The following WDR1 variants were observed in gnomAD, a reference collection of about 807,000 sequenced individuals.
The protein encoded by WDR1 is WD repeat domain 1.
A neutral mutation model predicts 71.9 loss-of-function variants in WDR1; 21 were observed. The observed-to-expected ratio is 0.29, with a 90% CI of 0.21 to 0.42. The LOEUF (loss-of-function observed/expected upper bound fraction) is 0.42. Ranked by LOEUF, WDR1 falls within the 10% of genes least tolerant of loss-of-function variation. The pLI is 1.00. For synonymous variants in WDR1, 424 were observed against 347.4 expected (o/e 1.22, Z -2.45); for missense variants, 696 against 824.5 (o/e 0.84, Z 1.91).
chr4:10,084,845 A>AAC (rs1482078529), intron 8 of WDR1, among the ~76,000 whole-genome samples: 2 of 152,212 alleles, frequency 1.3e-5, no homozygotes, highest in Admixed American at 1.3e-4. Context: ...CTGAGCACCT[A>AAC]ACGTGTGCAG....
chr4:10,077,521 T>C (rs1764843426), intron 13 of WDR1, 73 bp from the exon 14 acceptor site: 6 of 1,601,232 alleles, frequency 3.7e-6, no homozygotes, highest in African/African-American at 2.7e-5. Context: ...ACCTCGCTTA[T>C]CCCTCATGGC....
chr4:10,088,825 C>A, intron 5 of WDR1, 84 bp from the exon 6 acceptor site: 1 of 1,043,482 alleles, frequency 9.6e-7, no homozygotes, highest in East Asian at 2.6e-5. Flanking sequence ...ACACAGCTTG[C>A]AGCTCCAGCT....
rs546183798 is a variant in WDR1, at chr4:10,078,532, C to A, written c.1395+359G>T. On this transcript the variant is annotated intron_variant, in intron 12 of 14. Coordinates refer to ENST00000499869, the MANE Select transcript of WDR1 (RefSeq NM_017491.5). Reference sequence around the variant, plus strand: ...GAGCCCAGCCCCAGGGGATGCCATTCCTTGATTTCCTGACCTGCTACCCTC... The same window carrying A: ...GAGCCCAGCCCCAGGGGATGCCATTACTTGATTTCCTGACCTGCTACCCTC... 2.8e-4 allele frequency: 59 copies of A among 209,636 alleles called. No homozygotes were observed. In the South Asian group the frequency reaches 6.9e-3, roughly 24 times the overall value. The allele number at this position is 209,636 out of a possible 1,614,324, so 13.0% of individuals were successfully genotyped here.
chr4:10,080,804 G>A (rs1004002652), intron 11 of WDR1, among the ~76,000 whole-genome samples: 2 of 152,228 alleles, frequency 1.3e-5, no homozygotes, highest in Non-Finnish European at 2.9e-5. Context: ...GAAGTCAGGT[G>A]CCACCCTTCT....
At position 10,083,439 on chromosome 4, in the gene WDR1, G is replaced by A. The variant is rs35158081; in HGVS notation, c.1040-261C>T. ...AAGGCCTACTGGGGACCAGCAAGCT[G>A]GGGAGGCTCCGGCGTCTCCTCTGCT... On this transcript the variant is annotated intron_variant, in intron 9 of 14. Coordinates refer to ENST00000499869, the MANE Select transcript of WDR1 (RefSeq NM_017491.5). Among the ~76,000 whole-genome samples, 1,270 of 152,312 alleles carry A rather than the reference G, an allele frequency of 8.3e-3. 10 individuals are homozygous for A. The highest frequency in any genetic ancestry group is 0.054 in the Middle Eastern group (16 of 294).
At chr4:10,087,462 T>C (rs1711658950) in intron 8 of WDR1, among the ~76,000 whole-genome samples, 1 of 152,246 alleles carries the variant, frequency 6.6e-6, no homozygotes. Context: ...CACTAGGCCC[T>C]GACTCTCCAG....
At chr4:10,098,051 G>A (rs1712459873) in intron 4 of WDR1, among the ~76,000 whole-genome samples, 160 bp from the exon 5 acceptor site, 1 of 152,070 alleles carries the variant, frequency 6.6e-6, no homozygotes, top group African/African-American at 2.4e-5. Context: ...GGAAGCACTG[G>A]GGTTCTGGCT....
intron 3 of WDR1, among the ~76,000 whole-genome samples, chr4:10,100,342 T>C (rs1191136363): frequency 6.6e-6 from 1 of 152,092 alleles, no homozygotes; most frequent in Admixed American, 6.5e-5. Flanking sequence ...AGAGTGGAAA[T>C]AACAGAGCCA....
Position 10,087,833 on chromosome 4 carries a change from G to A in WDR1, c.825C>T (p.Gly275=), listed in dbSNP as rs947541763. The A allele has an allele frequency of 3.8e-6, 6 of 1,581,388 alleles. No individual in the cohort carries two copies. The highest frequency in any genetic ancestry group is 3.5e-5 in the South Asian group (3 of 86,456). Residue 275 remains glycine (G), a synonymous_variant, in exon 8 of 15, where the codon GGC becomes GGT. Coordinates refer to ENST00000499869, the MANE Select transcript of WDR1 (RefSeq NM_017491.5). The part of the protein sequence containing the change: ...VNSVVSTFPM[G]STVLDQQLGC... ...CCAGCTGCTGGTCCAGAACCGTGGA[G>A]CCCATGGGAAATGTGCTGACCACGG...
chr4:10,096,127 G>C (rs1712338785), intron 5 of WDR1: 1 of 152,308 alleles, frequency 6.6e-6, no homozygotes, highest in South Asian at 2.1e-4. Context: ...GCCCACCCCT[G>C]GAACAAACTG....
chr4:10,116,029 A>G, intron 2 of WDR1, 84 bp downstream of exon 2: 1 of 1,525,750 alleles, frequency 6.6e-7, no homozygotes, highest in Non-Finnish European at 8.9e-7. Flanking sequence ...AATGGGCAGG[A>G]GGTGAGAAGT....
rs1001395311 is a variant in WDR1, at chr4:10,075,279, G to C, written c.*99C>G. On this transcript the variant is annotated 3_prime_UTR_variant, in exon 15 of 15. Coordinates refer to ENST00000499869, the MANE Select transcript of WDR1 (RefSeq NM_017491.5). ...CTCCTGCCTCTTGTGGTGGGGTGGG[G>C]GCATGGGGGCGCGTCACAGAAATAG... 5.7e-6 allele frequency: 6 copies of C among 1,054,850 alleles called. No individual in the cohort carries two copies. In the African/African-American group the frequency reaches 7.8e-5, roughly 14 times the overall value. The allele number at this position is 1,054,850 out of a possible 1,614,324, so 65.3% of individuals were successfully genotyped here.
intron 9 of WDR1, 41 bp downstream of exon 9, chr4:10,084,402 A>C: frequency 5.7e-6 from 9 of 1,586,748 alleles, no homozygotes; most frequent in Non-Finnish European, 7.7e-6. Context: ...TCCCCCCTAG[A>C]GCCAGCGGCT....
At chr4:10,080,997 A>G (rs991103760) in intron 11 of WDR1, among the ~76,000 whole-genome samples, 1 of 152,240 alleles carries the variant, frequency 6.6e-6, no homozygotes, top group Non-Finnish European at 1.5e-5. Flanking sequence ...GCTACAATGC[A>G]GCAGGGCTGG....
Position 10,075,261 on chromosome 4 carries a change from C to G in WDR1, c.*117G>C. 1 of 847,674 alleles carries G rather than the reference C, an allele frequency of 1.2e-6. No individual in the cohort carries two copies. Among genetic ancestry groups the G allele is most frequent in the Non-Finnish European group, 1.9e-6 (1 of 524,026 alleles). The allele number at this position is 847,674 out of a possible 1,614,324, so 52.5% of individuals were successfully genotyped here. ...GAGGGTCATGACTGGGCCCTCCTGC[C>G]TCTTGTGGTGGGGTGGGGGCATGGG... On this transcript the variant is annotated 3_prime_UTR_variant, in exon 15 of 15. Transcript: ENST00000499869.
chr4:10,076,953 G>A (rs1369188749), intron 14 of WDR1: 9 of 218,096 alleles, frequency 4.1e-5, no homozygotes, highest in Non-Finnish European at 7.2e-5. Context: ...AAATTTCAAC[G>A]CCACATGAGG....
chr4:10,115,484 T>C (rs1577083927), intron 2 of WDR1, among the ~76,000 whole-genome samples: 1 of 152,350 alleles, frequency 6.6e-6, no homozygotes, highest in Non-Finnish European at 1.5e-5. Flanking sequence ...CGGGTGTTTT[T>C]CCGGGCTCTG....
At chr4:10,095,505 C>A (rs1411572283) in intron 5 of WDR1, among the ~76,000 whole-genome samples, 2 of 152,158 alleles carry the variant, frequency 1.3e-5, no homozygotes, top group African/African-American at 4.8e-5. Flanking sequence ...CTCTCACTTC[C>A]CCCAGCCTGC....
At chr4:10,097,987 A>G in intron 4 of WDR1, 96 bp from the exon 5 acceptor site, 1 of 1,277,410 alleles carries the variant, frequency 7.8e-7, no homozygotes, top group South Asian at 1.6e-5. Context: ...GCCAGTGCAC[A>G]GAGGATGGAG....
Sources: gnomAD v4.1 joint callset for allele counts (sites outside exome capture counted in the v4.1 genomes callset) on GRCh38, gnomAD v4.1.1 for gene constraint, MANE v1.5 for transcripts, NCBI Gene and HGNC (gene_info 2026-07-23, HGNC 2026-07-21) for gene names.